The following SLCO1A2 variants were observed in gnomAD, a reference collection of about 807,000 sequenced individuals.
SLCO1A2 encodes the protein solute carrier organic anion transporter family member 1A2, also known as OATP-1.
Under a neutral mutation model 69.0 loss-of-function variants are expected in SLCO1A2, and 67 were observed. The observed-to-expected ratio is 0.97, with a 90% confidence interval of 0.80 to 1.19. The LOEUF (loss-of-function observed/expected upper bound fraction) is 1.19, where lower values mean the gene tolerates loss of function less well. Among genes scored for constraint, SLCO1A2 ranks in the 50% most tolerant of loss-of-function variants. The pLI is 0.00. For synonymous variants in SLCO1A2, 260 were observed against 265.9 expected, an observed-to-expected ratio of 0.98 and a Z score of 0.22; for missense variants, 787 against 793.7, an observed-to-expected ratio of 0.99 and a Z score of 0.10.
At chr12:21,328,701 AT>A (rs1346282098) in intron 2 of SLCO1A2, among the ~76,000 whole-genome samples, 1 of 152,064 alleles carries the variant, frequency 6.6e-6, no homozygotes, top group Non-Finnish European at 1.5e-5. Context: ...CCTTTGGAGT[AT>A]TCTGTACAGT....
chr12:21,326,215 C>A (rs575891336), intron 2 of SLCO1A2, among the ~76,000 whole-genome samples: 5 of 152,286 alleles, frequency 3.3e-5, no homozygotes, highest in African/African-American at 1.2e-4. Flanking sequence ...GCTTCCCCAG[C>A]CATGTGGAAC....
chr12:21,385,128 T>C (rs1304712812), intron 1 of SLCO1A2, among the ~76,000 whole-genome samples: 3 of 152,180 alleles, frequency 2.0e-5, no homozygotes, highest in South Asian at 4.1e-4. Flanking sequence ...CATATAAATA[T>C]ATAAATATGA....
chr12:21,417,695 G>A (rs1346920774), intron 1 of SLCO1A2, among the ~76,000 whole-genome samples: 3 of 151,898 alleles, frequency 2.0e-5, no homozygotes, highest in East Asian at 1.9e-4. Flanking sequence ...TAATAGACTC[G>A]ATGACAAAAA....
chr12:21,362,527 A>G (rs12322242), intron 2 of SLCO1A2, among the ~76,000 whole-genome samples: 49,146 of 151,940 alleles, frequency 0.32, 8,257 homozygotes, highest in East Asian at 0.46. Flanking sequence ...TCATAATGAC[A>G]GGATAAAATT....
At chr12:21,413,058 C>G (rs927190408) in intron 1 of SLCO1A2, among the ~76,000 whole-genome samples, 1 of 151,964 alleles carries the variant, frequency 6.6e-6, no homozygotes, top group East Asian at 1.9e-4. Context: ...AAATGATGTT[C>G]CAGAAATATT....
At chr12:21,358,707 C>T (rs1031968532) in intron 2 of SLCO1A2, among the ~76,000 whole-genome samples, 2 of 151,152 alleles carry the variant, frequency 1.3e-5, no homozygotes, top group Non-Finnish European at 2.9e-5. Flanking sequence ...AATAAATGAA[C>T]AATATTGAAA....
At chr12:21,367,128 A>G (rs1939447180) in intron 2 of SLCO1A2, among the ~76,000 whole-genome samples, 1 of 152,122 alleles carries the variant, frequency 6.6e-6, no homozygotes, top group Non-Finnish European at 1.5e-5. Flanking sequence ...ATGAAATATA[A>G]AAAATCAAAA....
intron 2 of SLCO1A2, among the ~76,000 whole-genome samples, chr12:21,331,805 T>G (rs2136945615): frequency 6.6e-6 from 1 of 152,286 alleles, no homozygotes; most frequent in Non-Finnish European, 1.5e-5. Flanking sequence ...ACTTGCCTTC[T>G]TTGTTGGACA....
intron 14 of SLCO1A2, among the ~76,000 whole-genome samples, chr12:21,273,734 A>G (rs1418618530): frequency 6.6e-6 from 1 of 152,192 alleles, no homozygotes; most frequent in Non-Finnish European, 1.5e-5. Context: ...GGAAAGGGGA[A>G]TAGATGCAGA....
intron 1 of SLCO1A2, among the ~76,000 whole-genome samples, chr12:21,416,125 C>T (rs994430232): frequency 9.9e-5 from 15 of 151,860 alleles, no homozygotes; most frequent in African/African-American, 3.6e-4. Context: ...TTTTTTATAA[C>T]TTCTAACATT....
intron 3 of SLCO1A2, among the ~76,000 whole-genome samples, chr12:21,316,317 C>T (rs572407970): frequency 6.6e-6 from 1 of 152,262 alleles, no homozygotes; most frequent in East Asian, 1.9e-4. Flanking sequence ...CTTTAGCCTA[C>T]ACATATTCTC....
At position 21,269,552 on chromosome 12, in the gene SLCO1A2, A is replaced by G. The variant is rs777689524; in HGVS notation, c.2009T>C (p.Leu670Ser). The G allele has an allele frequency of 5.0e-6, 8 of 1,605,238 alleles. No homozygotes were observed. In the East Asian group the frequency reaches 1.3e-4, roughly 27 times the overall value. Reference sequence around the variant, plus strand: ...AAAAGTAATATAATAGGACAATTACAATTTAGTTTTCAATTCATCATCTTT... The same window carrying G: ...AAAAGTAATATAATAGGACAATTACGATTTAGTTTTCAATTCATCATCTTT... ...VLKDDELKTKL is the reference protein window; with the variant it reads ...VLKDDELKTKS The change falls in exon 15 of 15, where the codon TTG becomes TCG. Residue 670 changes from leucine (L) to serine (S), a missense_variant. Leu to Ser is a moderately radical substitution (Grantham distance 145). Transcript: ENST00000683939.
At chr12:21,275,096 T>G in intron 13 of SLCO1A2, 1 of 1,058,160 alleles carries the variant, frequency 9.5e-7, no homozygotes, top group East Asian at 6.6e-5. Context: ...TAGTATTTAA[T>G]ATTGTTCTGC....
chr12:21,333,385 A>G (rs1206395935), intron 2 of SLCO1A2, among the ~76,000 whole-genome samples: 1 of 152,112 alleles, frequency 6.6e-6, no homozygotes, highest in African/African-American at 2.4e-5. Context: ...GCTTCTAGCA[A>G]TAATGCCCTT....
At chr12:21,276,759 A>T (rs765076997) in intron 12 of SLCO1A2, among the ~76,000 whole-genome samples, 1 of 152,140 alleles carries the variant, frequency 6.6e-6, no homozygotes, top group South Asian at 2.1e-4. Context: ...AGTGATTCTG[A>T]GACTTTATTA....
intron 2 of SLCO1A2, among the ~76,000 whole-genome samples, chr12:21,322,623 T>C (rs1486025682): frequency 2.0e-5 from 3 of 152,176 alleles, no homozygotes; most frequent in East Asian, 1.9e-4. Flanking sequence ...ATAAAGCCTC[T>C]AGGTAGCAGG....
At chr12:21,378,052 A>T (rs1452481169) in intron 1 of SLCO1A2, among the ~76,000 whole-genome samples, 1 of 152,194 alleles carries the variant, frequency 6.6e-6, no homozygotes, top group Non-Finnish European at 1.5e-5. Context: ...TATGATTTTC[A>T]ATTGTTATTT....
Position 21,285,498 on chromosome 12 carries a change from A to C in SLCO1A2, c.1610+6666T>G, listed in dbSNP as rs568032797. Among the ~76,000 whole-genome samples, 108 of 138,238 alleles carry C rather than the reference A, an allele frequency of 7.8e-4. 1 individual carries two copies. Among genetic ancestry groups the C allele is most frequent in the Admixed American group, 1.0e-3 (14 of 13,338 alleles). The allele number at this position is 138,238 out of a possible 152,430, so 90.7% of individuals were successfully genotyped here. On this transcript the variant is annotated intron_variant, in intron 12 of 14. Coordinates refer to ENST00000683939, the MANE Select transcript of SLCO1A2 (RefSeq NM_001386879.1). ...ATAGAAAAAGAGGGAATCCTCCCTA[A>C]CTCATTTTATGAGGCCAGCATCATT...
intron 3 of SLCO1A2, among the ~76,000 whole-genome samples, chr12:21,317,002 C>A (rs1326663579): frequency 6.6e-6 from 1 of 152,096 alleles, no homozygotes; most frequent in South Asian, 2.1e-4. Flanking sequence ...ATTAAAAGTA[C>A]AAATATTACT....
Sources: allele counts gnomAD v4.1 joint callset (sites outside exome capture counted in the v4.1 genomes callset), GRCh38; gene constraint gnomAD v4.1.1; transcripts MANE v1.5; gene names NCBI Gene and HGNC (gene_info 2026-07-23, HGNC 2026-07-21).